SIDT1: variants seen among roughly 807,000 people sequenced by gnomAD.
SIDT1 encodes SID1 transmembrane family, member 1.
SIDT1 carries 101 observed loss-of-function variants against 107.5 expected under a neutral mutation model. The observed-to-expected ratio is 0.94, with a 90% CI of 0.80 to 1.11. The LOEUF (loss-of-function observed/expected upper bound fraction) is 1.11. Ranked by LOEUF, SIDT1 falls within the 50% of genes least tolerant of loss-of-function variation. The probability of loss-of-function intolerance (pLI) is 0.00; values close to 1 mark genes in which losing one functional copy is unlikely to be tolerated. For missense variants in SIDT1, 1,076 were observed against 1,058.2 expected (o/e 1.02, Z -0.23); for synonymous variants, 395 against 398.2 (o/e 0.99, Z 0.10).
intron 1 of SIDT1, among the ~76,000 whole-genome samples, chr3:113,566,175 C>T (rs549612055): frequency 1.8e-4 from 28 of 152,288 alleles, no homozygotes; most frequent in African/African-American, 5.5e-4. Flanking sequence ...ATTCTCCCCA[C>T]GCAATTTCAA....
At chr3:113,625,616 T>C (rs1471325110) in intron 23 of SIDT1, among the ~76,000 whole-genome samples, 2 of 152,186 alleles carry the variant, frequency 1.3e-5, no homozygotes, top group Admixed American at 1.3e-4. Flanking sequence ...TGATATCTCA[T>C]TGTAGTTTTG....
At chr3:113,552,616 G>A (rs1352584338) in intron 1 of SIDT1, among the ~76,000 whole-genome samples, 2 of 152,154 alleles carry the variant, frequency 1.3e-5, no homozygotes, top group Admixed American at 6.5e-5. Flanking sequence ...CATGCCACAG[G>A]AATGGTTTGC....
At chr3:113,547,080 A>G (rs1939675410) in intron 1 of SIDT1, among the ~76,000 whole-genome samples, 1 of 152,140 alleles carries the variant, frequency 6.6e-6, no homozygotes, top group Non-Finnish European at 1.5e-5. Flanking sequence ...CATAAAAACC[A>G]ACTTCACAGA....
chr3:113,620,314 A>G (rs1214332420), intron 21 of SIDT1, among the ~76,000 whole-genome samples: 1 of 151,646 alleles, frequency 6.6e-6, no homozygotes, highest in Non-Finnish European at 1.5e-5. Context: ...TTGTTCCTCA[A>G]ATGGCTCAAA....
chr3:113,622,463 CAAAAAAAA>C (rs765265068), intron 21 of SIDT1, among the ~76,000 whole-genome samples: 1 of 57,988 alleles, frequency 1.7e-5, no homozygotes, highest in Non-Finnish European at 3.2e-5. Context: ...GACTCCATCT[CAAAAAAAA>C]AAAAAAAAAA....
At chr3:113,585,125 G>A in intron 8 of SIDT1, 52 bp from the exon 9 acceptor site, 7 of 1,263,486 alleles carry the variant, frequency 5.5e-6, no homozygotes, top group Non-Finnish European at 8.1e-6. Context: ...CTCAGATGGA[G>A]TCTTCTTTTC....
chr3:113,636,472 G>C, the SIDT1 span, among the ~76,000 whole-genome samples: 1 of 152,078 alleles, frequency 6.6e-6, no homozygotes, highest in Non-Finnish European at 1.5e-5. Flanking sequence ...TAAAAAAAAG[G>C]TGGGGGGGAT....
At chr3:113,551,986 G>T (rs1451347715) in intron 1 of SIDT1, among the ~76,000 whole-genome samples, 5 of 151,928 alleles carry the variant, frequency 3.3e-5, no homozygotes, top group Admixed American at 2.6e-4. Flanking sequence ...GTATTTCTGG[G>T]TCCCCACTAA....
chr3:113,552,243 G>A (rs1940337040), intron 1 of SIDT1, among the ~76,000 whole-genome samples: 1 of 152,140 alleles, frequency 6.6e-6, no homozygotes, highest in African/African-American at 2.4e-5. Flanking sequence ...TCACCGGGGA[G>A]GAAGAATTAT....
chr3:113,621,134 G>A (rs1372543096), intron 21 of SIDT1, among the ~76,000 whole-genome samples: 1 of 152,208 alleles, frequency 6.6e-6, no homozygotes, highest in Non-Finnish European at 1.5e-5. Context: ...TATAGGCATA[G>A]AGATGTATGT....
intron 20 of SIDT1, among the ~76,000 whole-genome samples, chr3:113,616,609 C>T (rs557418659): frequency 2.0e-5 from 3 of 152,094 alleles, no homozygotes; most frequent in East Asian, 1.9e-4. Context: ...CCATGGCACA[C>T]GTTTACCCAT....
intron 1 of SIDT1, among the ~76,000 whole-genome samples, chr3:113,538,516 T>C (rs111335150): frequency 1.3e-5 from 2 of 152,348 alleles, no homozygotes; most frequent in African/African-American, 4.8e-5. Flanking sequence ...ACAAAAATAA[T>C]AGAAAATGTG....
chr3:113,548,369 G>A (rs1189024963), intron 1 of SIDT1, among the ~76,000 whole-genome samples: 1 of 152,040 alleles, frequency 6.6e-6, no homozygotes, highest in Non-Finnish European at 1.5e-5. Context: ...AAAATAGTCT[G>A]TGTTCCATTA....
rs909347413 is a variant in SIDT1 at position 113,597,464 on chromosome 3, T to A, written c.1046-4124T>A. Among the ~76,000 whole-genome samples, 3 of 130,766 alleles carry A rather than the reference T, an allele frequency of 2.3e-5. No individual in the cohort carries two copies. In the South Asian group the frequency reaches 7.3e-4, roughly 32 times the overall value. 85.8% of individuals were successfully genotyped at this position (130,766 alleles called of 152,430 possible). ...ATGAGCCGAGATCATGCCACTGCAC[T>A]CCAGCCTGGCGACAGAGCGAGACTC... On this transcript the variant is annotated intron_variant, in intron 10 of 24. Transcript: ENST00000264852.
intron 1 of SIDT1, among the ~76,000 whole-genome samples, chr3:113,541,129 T>TAC (rs1938798702): frequency 7.5e-6 from 1 of 133,490 alleles, no homozygotes; most frequent in Non-Finnish European, 1.6e-5. Context: ...TATATATATA[T>TAC]ATATACACAC....
chr3:113,585,508 A>C (rs528573670), intron 9 of SIDT1, among the ~76,000 whole-genome samples: 9 of 152,162 alleles, frequency 5.9e-5, no homozygotes, highest in Non-Finnish European at 1.2e-4. Flanking sequence ...TTTTATATCA[A>C]TAACACACAC....
chr3:113,578,237 G>T (rs1943059571), intron 4 of SIDT1, among the ~76,000 whole-genome samples: 1 of 151,526 alleles, frequency 6.6e-6, no homozygotes, highest in Non-Finnish European at 1.5e-5. Context: ...AGGCTGAGGC[G>T]GGCAGATCAC....
At chr3:113,599,313 T>C (rs1039503690) in intron 10 of SIDT1, among the ~76,000 whole-genome samples, 3 of 152,244 alleles carry the variant, frequency 2.0e-5, no homozygotes, top group Admixed American at 6.5e-5. Flanking sequence ...TGGGTAATCA[T>C]TGGCAGGCAG....
chr3:113,589,492 C>G (rs1397775407), intron 9 of SIDT1, among the ~76,000 whole-genome samples: 1 of 151,410 alleles, frequency 6.6e-6, no homozygotes, highest in Non-Finnish European at 1.5e-5. Context: ...CCTCTTTTGC[C>G]AGCTATGAGA....
Sources: gnomAD v4.1 joint callset for allele counts (sites outside exome capture counted in the v4.1 genomes callset) on GRCh38, gnomAD v4.1.1 for gene constraint, MANE v1.5 for transcripts, NCBI Gene and HGNC (gene_info 2026-07-23, HGNC 2026-07-21) for gene names.